CD84: variants seen among roughly 807,000 people sequenced by gnomAD.
CD84 encodes the protein SLAM family member 5.
CD84 carries 22 observed loss-of-function variants against 33.8 expected under a neutral mutation model. That is an observed-to-expected ratio of 0.65 (90% CI 0.46 to 0.93). The LOEUF (loss-of-function observed/expected upper bound fraction) is 0.93, where lower values mean the gene tolerates loss of function less well. Among genes scored for constraint, CD84 ranks in the 40% least tolerant of loss-of-function variants. CD84 has a pLI of 0.00. For missense variants in CD84, 400 were observed against 397.6 expected (o/e 1.01, Z -0.05); for synonymous variants, 154 against 145.2 (o/e 1.06, Z -0.44).
At chr1:160,560,027 C>T (rs1289177258) in intron 2 of CD84, among the ~76,000 whole-genome samples, 1 of 152,120 alleles carries the variant, frequency 6.6e-6, no homozygotes, top group Non-Finnish European at 1.5e-5. Context: ...AAGACTTAGA[C>T]TCTCACACAA....
chr1:160,567,025 A>G (rs7517451), intron 1 of CD84, among the ~76,000 whole-genome samples: 7,576 of 150,878 alleles, frequency 0.05, 642 homozygotes, highest in African/African-American at 0.17. Context: ...GGGCAAGCAT[A>G]GATGATATCC....
At chr1:160,555,468 G>A (rs1273256855) in intron 2 of CD84, among the ~76,000 whole-genome samples, 1 of 152,110 alleles carries the variant, frequency 6.6e-6, no homozygotes, top group Non-Finnish European at 1.5e-5. Flanking sequence ...ATGGTGGAAA[G>A]CTATAATTTC....
At chr1:160,568,914 T>C (rs1255688897) in intron 1 of CD84, among the ~76,000 whole-genome samples, 1 of 152,208 alleles carries the variant, frequency 6.6e-6, no homozygotes, top group Non-Finnish European at 1.5e-5. Flanking sequence ...AAAACCTTTC[T>C]GAACCTCAGT....
chr1:160,568,374 G>A (rs776975297), intron 1 of CD84, among the ~76,000 whole-genome samples: 3 of 152,060 alleles, frequency 2.0e-5, no homozygotes, highest in Non-Finnish European at 4.4e-5. Flanking sequence ...GCAAAGCTGG[G>A]GGAAGCTGTT....
In CD84 at chr1:160,553,493, G is replaced by T. The variant is rs368931230; in HGVS notation, c.645C>A (p.Ile215=). 1.1e-5 allele frequency: 18 copies of T among 1,613,992 alleles called. No individual in the cohort carries two copies. In the African/African-American group the frequency reaches 1.9e-4, roughly 17 times the overall value. Residue 215 remains isoleucine (I), a synonymous_variant, in exon 4 of 7, where the codon ATC becomes ATA. Transcript: ENST00000368054. ...TGTGGTGAGTACGGAAGCCCATTGC[G>T]ATGTCTGGAAATAGAAGATGCAGTG... The part of the protein sequence containing the change: ...SISARQLCAD[I]AMGFRTHHTG...
chr1:160,554,296 GAT>G (rs1656457135), intron 2 of CD84, 150 bp from the exon 3 acceptor site: 4 of 917,514 alleles, frequency 4.4e-6, no homozygotes, highest in Admixed American at 3.7e-5. Context: ...TAAAAATAAA[GAT>G]AATAAATCCT....
Position 160,553,444 on chromosome 1 carries a change from T to C in CD84, c.694A>G (p.Met232Val), listed in dbSNP as rs771983112. 8 of 1,613,982 alleles carry C rather than the reference T, an allele frequency of 5.0e-6. No homozygotes were observed. The South Asian group carries it at 5.5e-5, about 11-fold the overall frequency. ...AGAATGAGAACAAGCAGAAAGAACA[T>C]AGCCAGCACGCTCAGCAACCCGGTG... is the stretch of plus-strand genomic sequence containing the variant. ...HHTGLLSVLA[M>V]FFLLVLILSS... Residue 232 changes from methionine (M) to valine (V), a missense_variant, in exon 4 of 7, where the codon ATG (methionine) becomes GTG (valine). Physicochemically the swap from Met to Val is conservative, Grantham distance 21 (BLOSUM62 1). Coordinates refer to ENST00000368054, the MANE Select transcript of CD84 (RefSeq NM_003874.4).
intron 2 of CD84, among the ~76,000 whole-genome samples, chr1:160,563,883 C>A (rs1308770022): frequency 6.6e-6 from 1 of 152,118 alleles, no homozygotes; most frequent in East Asian, 1.9e-4. Flanking sequence ...TGCTCAAGAG[C>A]TGCATGTGTC....
intron 1 of CD84, among the ~76,000 whole-genome samples, chr1:160,566,481 T>C (rs573189863): frequency 2.6e-4 from 39 of 152,342 alleles, no homozygotes; most frequent in Non-Finnish European, 4.1e-4. Context: ...TGGTTGCATG[T>C]ATTTATTCAG....
At chr1:160,557,250 G>C (rs6427532) in intron 2 of CD84, among the ~76,000 whole-genome samples, 15 of 152,220 alleles carry the variant, frequency 9.9e-5, no homozygotes, top group Non-Finnish European at 1.8e-4. Flanking sequence ...CGTTCTTTCC[G>C]CTATGCTGTC....
intron 4 of CD84, among the ~76,000 whole-genome samples, chr1:160,552,461 T>G (rs1656299129): frequency 1.3e-5 from 2 of 152,248 alleles, no homozygotes; most frequent in Admixed American, 1.3e-4. Flanking sequence ...CCAAGTATTT[T>G]GTATTTCTAA....
At position 160,544,641 on chromosome 1, in the gene CD84, C is replaced by CT. The variant is rs1265737601; in HGVS notation, c.*3614dup. 3 of 152,194 alleles carry CT rather than the reference C, an allele frequency of 2.0e-5. No homozygotes were observed. The highest frequency in any genetic ancestry group is 4.4e-5 in the Non-Finnish European group (3 of 68,064). 9.4% of individuals were successfully genotyped at this position (152,194 alleles called of 1,614,324 possible). Reference sequence around the variant, plus strand: ...GACACGGCCCAAACCAGACAGGCCCCTTCCTGCCTGTGCCCGATTTCCAAG... The same window carrying CT: ...GACACGGCCCAAACCAGACAGGCCCCTTTCCTGCCTGTGCCCGATTTCCAAG... On this transcript the variant is annotated 3_prime_UTR_variant, in exon 7 of 7. Coordinates refer to ENST00000368054, the MANE Select transcript of CD84 (RefSeq NM_003874.4).
intron 2 of CD84, among the ~76,000 whole-genome samples, chr1:160,555,148 T>C (rs1463471357): frequency 6.6e-6 from 1 of 151,314 alleles, no homozygotes; most frequent in African/African-American, 2.4e-5. Context: ...TGGCATGATC[T>C]CGGCTCACTG....
In CD84 at chr1:160,565,735, T is replaced by C. The variant is rs1436134484; in HGVS notation, c.57A>G (p.Ala19=). ...TGAAGATTTCTGAGTCTTTTCCAGC[T>C]GCTTCCGGCCCTGAGAACATAAAAA... is the stretch of plus-strand genomic sequence containing the variant. ...LLLCLQTWPE[A]AGKDSEIFTV... The change falls in exon 2 of 7, where the codon GCA becomes GCG. Residue 19 remains alanine, a synonymous_variant. Transcript: ENST00000368054. 1 of 1,605,582 alleles carries C rather than the reference T, an allele frequency of 6.2e-7. No individual in the cohort carries two copies. Among genetic ancestry groups the C allele is most frequent in the East Asian group, 2.2e-5 (1 of 44,650 alleles).
At chr1:160,559,868 T>C (rs982486765) in intron 2 of CD84, among the ~76,000 whole-genome samples, 11 of 151,628 alleles carry the variant, frequency 7.3e-5, no homozygotes, top group African/African-American at 2.4e-5. Context: ...GCAACAAAGA[T>C]AAAAAAAGAC....
chr1:160,549,874 G>T, intron 6 of CD84, 43 bp downstream of exon 6: 1 of 1,452,056 alleles, frequency 6.9e-7, no homozygotes, highest in Non-Finnish European at 9.7e-7. Context: ...AGAATGGCTG[G>T]AAGAGTTAGG....
chr1:160,553,519 A>T (rs1007432021), intron 3 of CD84, 22 bp from the exon 4 acceptor site: 1 of 1,613,902 alleles, frequency 6.2e-7, no homozygotes, highest in Non-Finnish European at 8.5e-7. Context: ...AGATGCAGTG[A>T]GTCTTGATTC....
intron 4 of CD84, among the ~76,000 whole-genome samples, chr1:160,552,455 G>A (rs969822298): frequency 6.6e-6 from 1 of 152,186 alleles, no homozygotes; most frequent in Non-Finnish European, 1.5e-5. Flanking sequence ...ATTGGGCCAA[G>A]TATTTTGTAT....
rs1409926442 is a variant in CD84, at chr1:160,546,895, G to A, written c.*1361C>T. ...TAACATAGTGCTAATGGTAGTTGGTGCTAGATGAGTCTATGGATTCATTTA... is the reference window on the plus strand; with the variant it reads ...TAACATAGTGCTAATGGTAGTTGGTACTAGATGAGTCTATGGATTCATTTA... On this transcript the variant is annotated 3_prime_UTR_variant, in exon 7 of 7. Coordinates refer to ENST00000368054, the MANE Select transcript of CD84 (RefSeq NM_003874.4). 2 of 379,084 alleles carry A rather than the reference G, an allele frequency of 5.3e-6. No homozygotes were observed. The highest frequency in any genetic ancestry group is 4.7e-6 in the Non-Finnish European group (1 of 214,162). The allele number at this position is 379,084 out of a possible 1,614,324, so 23.5% of individuals were successfully genotyped here.
Sources: gnomAD v4.1 joint callset for allele counts (sites outside exome capture counted in the v4.1 genomes callset) on GRCh38, gnomAD v4.1.1 for gene constraint, MANE v1.5 for transcripts, NCBI Gene and HGNC (gene_info 2026-07-23, HGNC 2026-07-21) for gene names.